ZNF599: variants seen among roughly 807,000 people sequenced by gnomAD.
ZNF599 encodes the protein zinc finger protein 599.
A neutral mutation model predicts 11.7 loss-of-function variants in ZNF599; 10 were observed. The ratio of observed to expected loss-of-function variants is 0.86; its 90% CI spans 0.53 to 1.45. The LOEUF is 1.45. Among genes scored for constraint, ZNF599 ranks in the 40% most tolerant of loss-of-function variants. ZNF599 has a pLI of 0.00. For synonymous variants in ZNF599, 232 were observed against 253.2 expected (o/e 0.92, Z 0.79); for missense variants, 688 against 713.6 (o/e 0.96, Z 0.41).
intron 2 of ZNF599, among the ~76,000 whole-genome samples, chr19:34,768,049 ATGAC>A (rs1381613483): frequency 1.3e-5 from 2 of 152,222 alleles, no homozygotes; most frequent in Non-Finnish European, 2.9e-5. Context: ...AGAGAAGTCA[ATGAC>A]TGAGGCACCA....
At chr19:34,807,587 G>A in the ZNF599 span, among the ~76,000 whole-genome samples, 6 of 152,296 alleles carry the variant, frequency 3.9e-5, no homozygotes, top group East Asian at 1.9e-4. Flanking sequence ...CAAAATGACC[G>A]CCACAAAGTG....
chr19:34,776,561 C>G (rs1333898791), upstream of ZNF599, among the ~76,000 whole-genome samples: 1 of 152,166 alleles, frequency 6.6e-6, no homozygotes, highest in Non-Finnish European at 1.5e-5. Flanking sequence ...GAATAATTCA[C>G]TGCTATTTCT....
upstream of ZNF599, among the ~76,000 whole-genome samples, chr19:34,773,396 A>T (rs1324862228): frequency 6.6e-6 from 1 of 151,774 alleles, no homozygotes. Context: ...CAAGAAAGGG[A>T]TTGGCTTCAC....
intron 3 of ZNF599, among the ~76,000 whole-genome samples, chr19:34,762,162 CA>C (rs2069117316): frequency 6.6e-6 from 1 of 152,172 alleles, no homozygotes; most frequent in Admixed American, 6.5e-5. Context: ...TTGGGAACTT[CA>C]CTCTACCCCA....
At chr19:34,778,382 C>T in the ZNF599 span, among the ~76,000 whole-genome samples, 1 of 151,590 alleles carries the variant, frequency 6.6e-6, no homozygotes, top group Non-Finnish European at 1.5e-5. Context: ...AAAGGATATA[C>T]TAAAGATCAA....
At chr19:34,790,805 T>C in the ZNF599 span, among the ~76,000 whole-genome samples, 1 of 152,188 alleles carries the variant, frequency 6.6e-6, no homozygotes, top group Non-Finnish European at 1.5e-5. Context: ...TTTAATTAGC[T>C]TGATGTAATC....
intron 3 of ZNF599, chr19:34,765,761 G>A: frequency 2.9e-6 from 2 of 685,588 alleles, no homozygotes; most frequent in Non-Finnish European, 5.3e-6. Flanking sequence ...GGGAGGCGGT[G>A]ATACATGGAA....
At chr19:34,794,730 T>C in the ZNF599 span, among the ~76,000 whole-genome samples, 1 of 151,988 alleles carries the variant, frequency 6.6e-6, no homozygotes, top group Admixed American at 6.6e-5. Context: ...ATCACTATGT[T>C]TGGCTAATTT....
chr19:34,789,736 T>C, the ZNF599 span, among the ~76,000 whole-genome samples: 1 of 152,340 alleles, frequency 6.6e-6, no homozygotes, highest in South Asian at 2.1e-4. Flanking sequence ...GTTCATTATA[T>C]ATTTTGGATA....
chr19:34,765,020 T>C (rs1224329290), intron 3 of ZNF599: 1 of 151,184 alleles, frequency 6.6e-6, no homozygotes, highest in Non-Finnish European at 1.5e-5. Flanking sequence ...AATATGTAGA[T>C]GCTGCTGGAG....
At chr19:34,769,292 G>A (rs1257432625) in intron 2 of ZNF599, 137 bp downstream of exon 2, 1 of 1,077,248 alleles carries the variant, frequency 9.3e-7, no homozygotes, top group Non-Finnish European at 1.4e-6. Flanking sequence ...CCAGCAAGAG[G>A]AGGTCAGACC....
chr19:34,779,317 T>G, the ZNF599 span: 1 of 214,286 alleles, frequency 4.7e-6, no homozygotes, highest in Admixed American at 6.2e-5. Flanking sequence ...TCCAGGCTGG[T>G]CTCAAACTTC....
chr19:34,777,397 A>G (rs2069223559), upstream of ZNF599, among the ~76,000 whole-genome samples: 1 of 87,788 alleles, frequency 1.1e-5, no homozygotes, highest in South Asian at 2.8e-4. Context: ...AATATATAAT[A>G]TATATTATAT....
intron 3 of ZNF599, chr19:34,762,822 G>A: frequency 1.3e-5 from 2 of 152,048 alleles, no homozygotes; most frequent in Admixed American, 1.3e-4. Context: ...TTATTTTTTT[G>A]AGGTTTATCA....
intron 3 of ZNF599, among the ~76,000 whole-genome samples, chr19:34,761,737 A>G (rs182154617): frequency 3.9e-4 from 59 of 152,328 alleles, no homozygotes; most frequent in East Asian, 1.9e-4. Context: ...ATGGAGAAAA[A>G]TGAAATAATA....
At chr19:34,800,590 T>TTC in the ZNF599 span, among the ~76,000 whole-genome samples, 2 of 145,750 alleles carry the variant, frequency 1.4e-5, no homozygotes, top group African/African-American at 5.1e-5. Flanking sequence ...TCCTTTGTTT[T>TTC]TTTTTTTTTT....
chr19:34,758,807 CTAAACTGGG>C lies in ZNF599; in HGVS notation c.*218_*226del. The C allele has an allele frequency of 1.9e-6, 1 of 528,762 alleles. No individual in the cohort carries two copies. The highest frequency in any genetic ancestry group is 3.3e-6 in the Non-Finnish European group (1 of 301,896). 32.8% of individuals were successfully genotyped at this position (528,762 alleles called of 1,614,324 possible). On this transcript the variant is annotated 3_prime_UTR_variant, in exon 4 of 4. Coordinates refer to ENST00000329285, the MANE Select transcript of ZNF599 (RefSeq NM_001007248.3). ...TTATTCTCAGGTACAGTGTAAGGCT[CTAAACTGGG>C]TGAATCTTTAATATAATTCTTTGGA...
the ZNF599 span, among the ~76,000 whole-genome samples, chr19:34,781,776 A>G: frequency 2.6e-5 from 4 of 152,196 alleles, no homozygotes; most frequent in African/African-American, 7.2e-5. Flanking sequence ...AGGCCCAAGA[A>G]AAATGCAATT....
chr19:34,769,583 G>A (rs772992034), intron 1 of ZNF599, 28 bp from the exon 2 acceptor site: 1 of 1,606,164 alleles, frequency 6.2e-7, no homozygotes, highest in Non-Finnish European at 8.5e-7. Context: ...GGTGACAGGT[G>A]GCTGTGGAGC....
Sources: allele counts gnomAD v4.1 joint callset (sites outside exome capture counted in the v4.1 genomes callset), GRCh38; gene constraint gnomAD v4.1.1; transcripts MANE v1.5; gene names NCBI Gene and HGNC (gene_info 2026-07-23, HGNC 2026-07-21).